Variants in TBC1D19 observed in about 807,000 individuals in gnomAD.
TBC1D19 encodes the protein TBC1 domain family, member 19.
TBC1D19 carries 60 observed loss-of-function variants against 89.0 expected under a neutral mutation model. That is an observed-to-expected ratio of 0.67 (90% CI 0.55 to 0.84). The LOEUF (loss-of-function observed/expected upper bound fraction) is 0.84. Among genes scored for constraint, TBC1D19 ranks in the 40% least tolerant of loss-of-function variants. The pLI is 0.00. For missense variants in TBC1D19, 500 were observed against 610.8 expected (o/e 0.82, Z 1.91); for synonymous variants, 189 against 199.7 (o/e 0.95, Z 0.45).
rs758305083 is a variant in TBC1D19 at position 26,735,532 on chromosome 4, A to G, written c.1117+45A>G. The G allele has an allele frequency of 5.5e-6, 8 of 1,456,118 alleles. No homozygotes were observed. In the South Asian group the frequency reaches 9.3e-5, roughly 17 times the overall value. 90.2% of individuals were successfully genotyped at this position (1,456,118 alleles called of 1,614,324 possible). A position where few individuals can be genotyped will look rare whatever the true frequency, so the allele number is the denominator to read the frequency against. On this transcript the variant is annotated intron_variant, in intron 16 of 20. Coordinates refer to ENST00000264866, the MANE Select transcript of TBC1D19 (RefSeq NM_018317.4). The stretch of plus-strand genomic sequence containing the variant: ...CATCATAATGTACACAAAACATACA[A>G]TGTTATCTGTCAATTTAAAAAATAA...
chr4:26,691,970 A>T (rs556420761), intron 13 of TBC1D19, among the ~76,000 whole-genome samples: 3 of 152,294 alleles, frequency 2.0e-5, no homozygotes, highest in Middle Eastern at 6.8e-3. Flanking sequence ...AAAAGTATTT[A>T]AAGTCTCTGG....
intron 13 of TBC1D19, among the ~76,000 whole-genome samples, chr4:26,708,552 T>C (rs1459895173): frequency 6.6e-6 from 1 of 152,098 alleles, no homozygotes; most frequent in Non-Finnish European, 1.5e-5. Flanking sequence ...TCTTCAAATA[T>C]TCTCTCTACC....
At chr4:26,782,379 C>T in the TBC1D19 span, among the ~76,000 whole-genome samples, 1 of 152,192 alleles carries the variant, frequency 6.6e-6, no homozygotes, top group East Asian at 1.9e-4. Context: ...GTGGAGGGCT[C>T]CTGCACACAG....
At chr4:26,668,470 T>C (rs1236905946) in intron 9 of TBC1D19, among the ~76,000 whole-genome samples, 2 of 152,082 alleles carry the variant, frequency 1.3e-5, no homozygotes, top group East Asian at 1.9e-4. Flanking sequence ...ATAGAATACA[T>C]AGACATAAGA....
At chr4:26,798,897 G>T in the TBC1D19 span, among the ~76,000 whole-genome samples, 1 of 151,906 alleles carries the variant, frequency 6.6e-6, no homozygotes, top group Non-Finnish European at 1.5e-5. Context: ...TAGAAGGGGG[G>T]ATGAGGGTTG....
intron 13 of TBC1D19, among the ~76,000 whole-genome samples, chr4:26,704,809 T>A (rs1053863279): frequency 6.6e-6 from 1 of 152,076 alleles, no homozygotes; most frequent in African/African-American, 2.4e-5. Flanking sequence ...TTATAAGAAA[T>A]GAATTTTATT....
At chr4:26,577,306 T>C (rs1175570454) in intron 1 of TBC1D19, among the ~76,000 whole-genome samples, 1 of 151,662 alleles carries the variant, frequency 6.6e-6, no homozygotes, top group Non-Finnish European at 1.5e-5. Context: ...TGTGTGCGTG[T>C]GTGTGTGTCT....
In TBC1D19 at chr4:26,754,919, A is replaced by G. The variant is rs144999567; in HGVS notation, c.1553A>G (p.Gln518Arg). 1.5e-4 allele frequency: 246 copies of G among 1,606,034 alleles called. No individual in the cohort carries two copies. Among genetic ancestry groups the G allele is most frequent in the Non-Finnish European group, 2.1e-4 (244 of 1,177,654 alleles). The part of the protein sequence containing the change: ...LSTLKVMPLL[Q>R]IFLFATVT Reference sequence around the variant, plus strand: ...ACTTTAAAAGTTATGCCTCTTCTTCAGATTTTTCTGTTTGCTACTGTCACC... The same window carrying G: ...ACTTTAAAAGTTATGCCTCTTCTTCGGATTTTTCTGTTTGCTACTGTCACC... Residue 518 changes from glutamine (Q) to arginine (R), a missense_variant, in exon 21 of 21, where the codon CAG (glutamine) becomes CGG (arginine). Physicochemically the swap from Gln to Arg is conservative, Grantham distance 43. Around this residue, in one of 2 missense-constraint regions of TBC1D19, gnomAD observed 220 missense variants for 319.1 expected, o/e 0.69. Coordinates refer to ENST00000264866, the MANE Select transcript of TBC1D19 (RefSeq NM_018317.4).
At chr4:26,576,710 C>A (rs1458769150) in exon 1 of TBC1D19, 2 of 455,944 alleles carry the variant, frequency 4.4e-6, no homozygotes, top group African/African-American at 4.0e-5. Flanking sequence ...AGAAGAACAA[C>A]ACAGCAGGGC....
intron 1 of TBC1D19, among the ~76,000 whole-genome samples, chr4:26,597,820 T>G (rs1740327806): frequency 6.6e-6 from 1 of 152,180 alleles, no homozygotes; most frequent in Non-Finnish European, 1.5e-5. Flanking sequence ...TTTTCTCTCA[T>G]TTTTGCATTC....
At chr4:26,615,842 A>C (rs1416194044) in intron 3 of TBC1D19, among the ~76,000 whole-genome samples, 1 of 152,154 alleles carries the variant, frequency 6.6e-6, no homozygotes, top group Non-Finnish European at 1.5e-5. Flanking sequence ...TAAGGTTTTA[A>C]ATTTACAATA....
the TBC1D19 span, among the ~76,000 whole-genome samples, chr4:26,765,457 A>G: frequency 7.1e-6 from 1 of 139,900 alleles, no homozygotes; most frequent in Admixed American, 7.5e-5. Flanking sequence ...GTAGGGGGGG[A>G]TGGTTTATTA....
intron 11 of TBC1D19, among the ~76,000 whole-genome samples, chr4:26,677,105 A>G (rs1307624616): frequency 1.1e-4 from 16 of 152,246 alleles, no homozygotes; most frequent in Admixed American, 9.8e-4. Flanking sequence ...ACTGTCCATC[A>G]AGGAACCGTA....
the TBC1D19 span, among the ~76,000 whole-genome samples, chr4:26,811,735 G>C: frequency 1.3e-5 from 2 of 152,220 alleles, no homozygotes; most frequent in Admixed American, 6.5e-5. Context: ...GGTTATTCAT[G>C]TGTCCCATTT....
chr4:26,855,083 G>T, the TBC1D19 span, among the ~76,000 whole-genome samples: 1 of 152,172 alleles, frequency 6.6e-6, no homozygotes, highest in Non-Finnish European at 1.5e-5. Flanking sequence ...GCATCACCTG[G>T]ATATTTTTCT....
chr4:26,604,148 CTT>C (rs1173641270), intron 1 of TBC1D19, among the ~76,000 whole-genome samples: 25 of 120,680 alleles, frequency 2.1e-4, no homozygotes, highest in African/African-American at 6.5e-4. Context: ...TTTTCTTTTT[CTT>C]TTTTTTTTTT....
At chr4:26,628,068 G>A (rs1297603016) in intron 4 of TBC1D19, among the ~76,000 whole-genome samples, 4 of 152,130 alleles carry the variant, frequency 2.6e-5, no homozygotes, top group Admixed American at 1.3e-4. Flanking sequence ...TTTGTATAAG[G>A]TGTAAGGAAG....
intron 7 of TBC1D19, among the ~76,000 whole-genome samples, chr4:26,649,889 T>A (rs569734901): frequency 3.8e-4 from 57 of 151,976 alleles, no homozygotes; most frequent in Admixed American, 6.6e-4. Context: ...CAGGCCCCAG[T>A]GTGTGATATT....
chr4:26,649,967 GT>G (rs200089351), intron 7 of TBC1D19, among the ~76,000 whole-genome samples: 131,714 of 151,810 alleles, frequency 0.87, 60,071 homozygotes, highest in Non-Finnish European at 1. Flanking sequence ...GCGGTGTTTG[GT>G]TTTTTGTCCT....
Sources: gnomAD v4.1 joint callset for allele counts (sites outside exome capture counted in the v4.1 genomes callset) on GRCh38, gnomAD v4.1.1 for gene constraint, gnomAD v4.1.1 regional missense constraint, MANE v1.5 for transcripts, NCBI Gene and HGNC (gene_info 2026-07-23, HGNC 2026-07-21) for gene names.